Variants in ZNF699 observed in about 807,000 individuals in gnomAD.
ZNF699 encodes the protein zinc finger protein 699, also known as hangover homolog.
A neutral mutation model predicts 22.5 loss-of-function variants in ZNF699; 18 were observed. That is an observed-to-expected ratio of 0.80 (90% CI 0.55 to 1.19). ZNF699 has a LOEUF of 1.19. Ranked by LOEUF, ZNF699 falls within the 50% of genes most tolerant of loss-of-function variation. The pLI is 0.00. For synonymous variants in ZNF699, 241 were observed against 262.3 expected, an observed-to-expected ratio of 0.92 and a Z score of 0.78; for missense variants, 670 against 763.4, an observed-to-expected ratio of 0.88 and a Z score of 1.44.
Position 9,291,423 on chromosome 19 carries a change from TG to T in ZNF699, c.*4051del, listed in dbSNP as rs2066265192. On this transcript the variant is annotated 3_prime_UTR_variant, in exon 6 of 6. Transcript: ENST00000591998. ...CAAAGCAACATAAATTAAGATAGTA[TG>T]GTATTGATGCAAGAAAAGACAAATG... 6.6e-6 allele frequency: 1 copy of T among 152,140 alleles called. No homozygotes were observed. Among genetic ancestry groups the T allele is most frequent in the Admixed American group, 6.5e-5 (1 of 15,276 alleles). The allele number at this position is 152,140 out of a possible 1,614,324, so 9.4% of individuals were successfully genotyped here.
At chr19:9,305,004 C>A in intron 2 of ZNF699, 68 bp downstream of exon 2, 1 of 1,313,782 alleles carries the variant, frequency 7.6e-7, no homozygotes, top group Admixed American at 1.8e-5. Context: ...TGGCTTGTGC[C>A]CTAAAACACT....
chr19:9,295,242 G>C lies in ZNF699; in HGVS notation c.*233C>G. Reference sequence around the variant, plus strand: ...CGAGCCAGCATTCTACTTTAAGGATGAGGCACTGATCTTCATTTCTAGTAG... The same window carrying C: ...CGAGCCAGCATTCTACTTTAAGGATCAGGCACTGATCTTCATTTCTAGTAG... On this transcript the variant is annotated 3_prime_UTR_variant, in exon 6 of 6. Transcript: ENST00000591998. The C allele has an allele frequency of 2.0e-6, 1 of 509,782 alleles. No individual in the cohort carries two copies. Among genetic ancestry groups the C allele is most frequent in the Non-Finnish European group, 3.4e-6 (1 of 295,676 alleles). 31.6% of individuals were successfully genotyped at this position (509,782 alleles called of 1,614,324 possible). A position where few individuals can be genotyped will look rare whatever the true frequency, so the allele number is the denominator to read the frequency against.
chr19:9,299,693 C>G (rs1043797647), intron 3 of ZNF699, among the ~76,000 whole-genome samples: 1 of 152,078 alleles, frequency 6.6e-6, no homozygotes, highest in Non-Finnish European at 1.5e-5. Context: ...TTTCTGCCCT[C>G]TGAAAGACAA....
intron 3 of ZNF699, among the ~76,000 whole-genome samples, chr19:9,301,408 T>C (rs2066306743): frequency 6.6e-6 from 1 of 152,128 alleles, no homozygotes; most frequent in South Asian, 2.1e-4. Context: ...AAGGGAGTCT[T>C]TCCCCCAGAG....
chr19:9,296,104 G>A lies in ZNF699; in HGVS notation c.1300C>T (p.Leu434Phe), dbSNP rs537442649. ...CGKAFYLPTS[L>F]NTHVKNQSRE... The stretch of plus-strand genomic sequence containing the variant: ...CTTTGATTTTTCACATGTGTATTAA[G>A]GGAAGTGGGAAGGTAGAAGGCCTTT... The change falls in exon 6 of 6, where the codon CTT becomes TTT. Residue 434 changes from leucine (L) to phenylalanine (F), a missense_variant. Leu to Phe is a conservative substitution (Grantham distance 22). Transcript: ENST00000591998. 1.2e-6 allele frequency: 2 copies of A among 1,613,410 alleles called. No homozygotes were observed. The highest frequency in any genetic ancestry group is 2.7e-5 in the African/African-American group (2 of 74,766).
chr19:9,301,352 A>C (rs773547903), intron 3 of ZNF699, among the ~76,000 whole-genome samples: 3 of 152,162 alleles, frequency 2.0e-5, no homozygotes, highest in Non-Finnish European at 4.4e-5. Context: ...CTGTAAGTCA[A>C]GGAATGCCAA....
Position 9,295,930 on chromosome 19 carries a change from C to T in ZNF699, c.1474G>A (p.Glu492Lys), listed in dbSNP as rs757840909. The T allele has an allele frequency of 8.1e-6, 13 of 1,613,774 alleles. No individual in the cohort carries two copies. The highest frequency in any genetic ancestry group is 6.6e-5 in the South Asian group (6 of 91,060). The change falls in exon 6 of 6, where the codon GAA (glutamate) becomes AAA (lysine). Residue 492 changes from glutamate to lysine, a missense_variant. Transcript: ENST00000591998. ...KTFSRSSSLT[E>K]HLRTHSGEKP... is the part of the protein sequence containing the mutation. ...TCTCCGCTGTGAGTTCTTAGGTGTT[C>T]GGTGAGGGATGAGGAACGACTAAAG... is the stretch of plus-strand genomic sequence containing the variant.
intron 1 of ZNF699, among the ~76,000 whole-genome samples, chr19:9,305,916 A>T (rs1281903412): frequency 1.3e-5 from 2 of 151,786 alleles, no homozygotes; most frequent in Admixed American, 1.3e-4. Context: ...GTTAGCCAGG[A>T]TGGTGTCAAT....
chr19:9,304,188 C>G (rs1268614454), intron 2 of ZNF699, among the ~76,000 whole-genome samples: 1 of 151,926 alleles, frequency 6.6e-6, no homozygotes, highest in African/African-American at 2.4e-5. Context: ...TAGAAAAGTC[C>G]AGAACATATT....
Position 9,297,030 on chromosome 19 carries a change from T to C in ZNF699, c.471-97A>G. On this transcript the variant is annotated intron_variant, in intron 5 of 5. Coordinates refer to ENST00000591998, the MANE Select transcript of ZNF699 (RefSeq NM_198535.3). The surrounding 1 kb of genome is among the most constrained non-coding windows in gnomAD (Gnocchi z 4.3). ...CCTTCTGTCAAGTTTAAGCTGAAAGTTTTCACAGAGGGCTCTACGACAGCC... is the reference window on the plus strand; with the variant it reads ...CCTTCTGTCAAGTTTAAGCTGAAAGCTTTCACAGAGGGCTCTACGACAGCC... The C allele has an allele frequency of 8.9e-7, 1 of 1,120,146 alleles. No individual in the cohort carries two copies. 69.4% of individuals were successfully genotyped at this position (1,120,146 alleles called of 1,614,324 possible).
intron 3 of ZNF699, 63 bp downstream of exon 3, chr19:9,302,315 G>T: frequency 6.3e-7 from 1 of 1,590,728 alleles, no homozygotes; most frequent in Non-Finnish European, 8.6e-7. Flanking sequence ...CTAGAATAAA[G>T]TCAATTTAGT....
chr19:9,292,083 C>A lies in ZNF699; in HGVS notation c.*3392G>T, dbSNP rs2066267418. Among the ~76,000 whole-genome samples the A allele has an allele frequency of 6.6e-6, 1 of 152,178 alleles. No homozygotes were observed. Among genetic ancestry groups the A allele is most frequent in the Non-Finnish European group, 1.5e-5 (1 of 68,034 alleles). On this transcript the variant is annotated 3_prime_UTR_variant, in exon 6 of 6. Transcript: ENST00000591998. ...AAAATGCTATCTAGGAACTACCTAACCCTGGCTGAGTTCCCAGACTTCACA... is the reference window on the plus strand; with the variant it reads ...AAAATGCTATCTAGGAACTACCTAAACCTGGCTGAGTTCCCAGACTTCACA...
At position 9,294,794 on chromosome 19, in the gene ZNF699, A is replaced by T. The variant is rs2066278599; in HGVS notation, c.*681T>A. 6.6e-6 allele frequency: 1 copy of T among 152,154 alleles called. No homozygotes were observed. The highest frequency in any genetic ancestry group is 2.4e-5 in the African/African-American group (1 of 41,452). The allele number at this position is 152,154 out of a possible 1,614,324, so 9.4% of individuals were successfully genotyped here. On this transcript the variant is annotated 3_prime_UTR_variant, in exon 6 of 6. Coordinates refer to ENST00000591998, the MANE Select transcript of ZNF699 (RefSeq NM_198535.3). ...CTGAAATTACTCACTAGACAATAAA[A>T]GCTTTTAATAGTAAAAATTTATCAT...
At chr19:9,309,136 C>CTTTTTTTTTTTTTTTT (rs61471638) in intron 1 of ZNF699, among the ~76,000 whole-genome samples, 1 of 104,844 alleles carries the variant, frequency 9.5e-6, no homozygotes, top group African/African-American at 3.6e-5. Flanking sequence ...TTTTATTTTA[C>CTTTTTTTTTTTTTTTT]TTTTTTTTTT....
At chr19:9,302,248 G>T in intron 3 of ZNF699, 130 bp downstream of exon 3, 1 of 1,072,112 alleles carries the variant, frequency 9.3e-7, no homozygotes, top group Non-Finnish European at 1.4e-6. Context: ...AGTTCCTTGG[G>T]GTCAGTGACC....
intron 1 of ZNF699, among the ~76,000 whole-genome samples, chr19:9,308,681 C>A (rs1458616219): frequency 6.6e-6 from 1 of 152,050 alleles, no homozygotes; most frequent in African/African-American, 2.4e-5. Context: ...CAGCAAACAT[C>A]CTATTTAATG....
chr19:9,295,745 G>C lies in ZNF699; in HGVS notation c.1659C>G (p.His553Gln). 1 of 1,613,448 alleles carries C rather than the reference G, an allele frequency of 6.2e-7. No individual in the cohort carries two copies. The highest frequency in any genetic ancestry group is 1.3e-5 in the African/African-American group (1 of 74,790). ...PSALRIHMRT[H>Q]TGEKPYECKE... ...TACATTCATAGGGTTTTTCCCCAGT[G>C]TGCGTTCTCATGTGGATCCTAAGGG... The change falls in exon 6 of 6, where the codon CAC becomes CAG. Residue 553 changes from histidine (H) to glutamine (Q), a missense_variant. His to Gln is a conservative substitution (Grantham distance 24, BLOSUM62 0). Coordinates refer to ENST00000591998, the MANE Select transcript of ZNF699 (RefSeq NM_198535.3).
chr19:9,298,060 A>G, intron 3 of ZNF699, 70 bp from the exon 4 acceptor site: 1 of 1,071,150 alleles, frequency 9.3e-7, no homozygotes, highest in South Asian at 1.4e-5. Context: ...TGAAACAGAA[A>G]CAAAACTTTA....
chr19:9,303,774 T>G (rs1013305234), intron 2 of ZNF699, among the ~76,000 whole-genome samples: 1 of 152,102 alleles, frequency 6.6e-6, no homozygotes, highest in Admixed American at 6.6e-5. Flanking sequence ...TTACAAGGGT[T>G]TTTAGGAACT....
Sources: gnomAD v4.1 joint callset for allele counts (sites outside exome capture counted in the v4.1 genomes callset) on GRCh38, gnomAD v4.1.1 for gene constraint, Gnocchi (gnomAD v3.1) non-coding constraint, MANE v1.5 for transcripts, NCBI Gene and HGNC (gene_info 2026-07-23, HGNC 2026-07-21) for gene names.